AGAP1: variants seen among roughly 807,000 people sequenced by gnomAD.
AGAP1 encodes the protein arf-GAP with GTPase, ANK repeat and PH domain-containing protein 1.
Under a neutral mutation model 105.3 loss-of-function variants are expected in AGAP1, and 29 were observed. That is an observed-to-expected ratio of 0.28 (90% CI 0.21 to 0.38). AGAP1 has a LOEUF of 0.38. AGAP1 is among the 10% of genes least tolerant of loss of function. AGAP1 has a pLI of 1.00. For missense variants in AGAP1, 998 were observed against 1,165.1 expected, an observed-to-expected ratio of 0.86 and a Z score of 2.09; for synonymous variants, 509 against 485.9, an observed-to-expected ratio of 1.05 and a Z score of -0.63.
rs1276571616 is a variant in AGAP1, at chr2:235,976,019, A to C, written c.1645+7396A>C. On this transcript the variant is annotated intron_variant, in intron 13 of 17. Transcript: ENST00000304032. The surrounding 1 kb of genome is among the most constrained non-coding windows in gnomAD (Gnocchi z 4.5). ...CCAAGAATGAGAACATCTTCCTGGG[A>C]GATACACTGGAAATGCAGTAGCGAA... 1.3e-5 allele frequency among the ~76,000 whole-genome samples: 2 copies of C among 152,078 alleles called. No homozygotes were observed.
At chr2:235,514,011 G>A (rs1273389859) in intron 1 of AGAP1, among the ~76,000 whole-genome samples, 1 of 152,164 alleles carries the variant, frequency 6.6e-6, no homozygotes, top group Non-Finnish European at 1.5e-5. Context: ...CTCCTGTTGA[G>A]ATGCTTTGTG....
intron 9 of AGAP1, among the ~76,000 whole-genome samples, chr2:235,828,842 C>T (rs568649631): frequency 1.3e-5 from 2 of 152,356 alleles, no homozygotes; most frequent in Admixed American, 1.3e-4. Context: ...GCATGACTCA[C>T]AGCCCTTACC....
chr2:235,841,453 G>GC (rs928907449), intron 9 of AGAP1, among the ~76,000 whole-genome samples: 1 of 151,984 alleles, frequency 6.6e-6, no homozygotes, highest in Non-Finnish European at 1.5e-5. Context: ...ACATAGTGAG[G>GC]CCCCATCTGT....
chr2:235,969,042 C>G (rs2054528705), intron 13 of AGAP1, among the ~76,000 whole-genome samples: 1 of 152,188 alleles, frequency 6.6e-6, no homozygotes, highest in Non-Finnish European at 1.5e-5. Context: ...TCTTAACTAA[C>G]CAGACACCTG....
chr2:235,641,074 G>GT (rs1488669122), intron 1 of AGAP1, among the ~76,000 whole-genome samples: 1 of 152,152 alleles, frequency 6.6e-6, no homozygotes, highest in Non-Finnish European at 1.5e-5. Context: ...TCCTCTGGGA[G>GT]TTTAACTCAG....
chr2:235,894,386 C>T (rs1005832117), intron 10 of AGAP1, among the ~76,000 whole-genome samples: 2 of 152,134 alleles, frequency 1.3e-5, no homozygotes, highest in African/African-American at 4.8e-5. Context: ...TCCAGCTTTC[C>T]GTGTGGATTG....
rs565385758 is a variant in AGAP1, at chr2:235,615,748, G to T, written c.164-93431G>T. 6.6e-6 allele frequency among the ~76,000 whole-genome samples: 1 copy of T among 152,080 alleles called. No individual in the cohort carries two copies. The highest frequency in any genetic ancestry group is 2.4e-5 in the African/African-American group (1 of 41,424). On this transcript the variant is annotated intron_variant, in intron 1 of 17. Coordinates refer to ENST00000304032, the MANE Select transcript of AGAP1 (RefSeq NM_001037131.3). The surrounding 1 kb of genome is among the most constrained non-coding windows in gnomAD (Gnocchi z 5.0). ...AGACAGAATCCTTTCCTCAAAAAATGAATTTTTGAGTGTTCCTATATTCTT... is the reference window on the plus strand; with the variant it reads ...AGACAGAATCCTTTCCTCAAAAAATTAATTTTTGAGTGTTCCTATATTCTT...
intron 6 of AGAP1, among the ~76,000 whole-genome samples, chr2:235,759,567 C>T (rs532868866): frequency 2.0e-5 from 3 of 152,296 alleles, no homozygotes; most frequent in South Asian, 2.1e-4. Flanking sequence ...TATCTCCCAG[C>T]GAATGGGAGA....
At chr2:235,776,927 C>G (rs116431608) in intron 6 of AGAP1, 1 of 471,056 alleles carries the variant, frequency 2.1e-6, no homozygotes, top group East Asian at 7.0e-5. Flanking sequence ...GAATCAGCCT[C>G]GGAGCAGGAA....
Position 236,090,194 on chromosome 2 carries a change from G to A in AGAP1, c.2115-29998G>A, listed in dbSNP as rs998591891. 2.0e-5 allele frequency among the ~76,000 whole-genome samples: 3 copies of A among 152,174 alleles called. No homozygotes were observed. Among genetic ancestry groups the A allele is most frequent in the African/African-American group, 7.2e-5 (3 of 41,448 alleles). The stretch of plus-strand genomic sequence containing the variant: ...CTCCAGCTGCACAGGCTGGGGATGG[G>A]CTGGGTAGAAATGGCAGTTTTGTGG... On this transcript the variant is annotated intron_variant, in intron 16 of 17. Coordinates refer to ENST00000304032, the MANE Select transcript of AGAP1 (RefSeq NM_001037131.3). The surrounding 1 kb of genome is among the most constrained non-coding windows in gnomAD (Gnocchi z 4.3).
At position 236,012,538 on chromosome 2, in the gene AGAP1, T is replaced by G. The variant is rs1374435014; in HGVS notation, c.1646-24023T>G. On this transcript the variant is annotated intron_variant, in intron 13 of 17. Coordinates refer to ENST00000304032, the MANE Select transcript of AGAP1 (RefSeq NM_001037131.3). The surrounding 1 kb of genome is among the most constrained non-coding windows in gnomAD (Gnocchi z 4.9). ...CAAACATTTGAGACCCGGGACAGAT[T>G]TGGTTTCCTTCGTTCCTCATGCATG... Among the ~76,000 whole-genome samples the G allele has an allele frequency of 1.3e-5, 2 of 152,108 alleles. No individual in the cohort carries two copies. Among genetic ancestry groups the G allele is most frequent in the Non-Finnish European group, 2.9e-5 (2 of 68,022 alleles).
intron 9 of AGAP1, among the ~76,000 whole-genome samples, chr2:235,827,818 T>G (rs1227487231): frequency 1.3e-5 from 2 of 152,256 alleles, no homozygotes; most frequent in East Asian, 3.9e-4. Context: ...AGGGGTGTTT[T>G]CAGGGGTGGC....
chr2:236,029,282 CT>C (rs566152439), intron 13 of AGAP1, among the ~76,000 whole-genome samples: 46 of 143,866 alleles, frequency 3.2e-4, no homozygotes, highest in South Asian at 4.5e-4. Flanking sequence ...ATCCTTTTTT[CT>C]TTTTTTTTTT....
At chr2:235,579,366 T>C (rs2149184391) in intron 1 of AGAP1, among the ~76,000 whole-genome samples, 1 of 152,290 alleles carries the variant, frequency 6.6e-6, no homozygotes, top group Non-Finnish European at 1.5e-5. Flanking sequence ...CAAACCTTAT[T>C]TGGGCATGAT....
Position 235,665,125 on chromosome 2 carries a change from G to A in AGAP1, c.164-44054G>A, listed in dbSNP as rs561849065. ...GTGGTCCCAGCTATTCAGGAGGCAG[G>A]AGGATCACTTGAGCCCAGGAGTTCA... On this transcript the variant is annotated intron_variant, in intron 1 of 17. Coordinates refer to ENST00000304032, the MANE Select transcript of AGAP1 (RefSeq NM_001037131.3). This position sits in a 1 kb window ranked among gnomAD's most constrained non-coding sequence, Gnocchi z 5.3. 2.4e-4 allele frequency among the ~76,000 whole-genome samples: 36 copies of A among 151,596 alleles called. No homozygotes were observed. The highest frequency in any genetic ancestry group is 8.8e-4 in the African/African-American group (36 of 40,904).
At chr2:235,647,080 G>A (rs1269736057) in intron 1 of AGAP1, among the ~76,000 whole-genome samples, 2 of 146,162 alleles carry the variant, frequency 1.4e-5, no homozygotes, top group African/African-American at 5.1e-5. Context: ...AGCTTGCAGT[G>A]AACCGAGATT....
intron 1 of AGAP1, among the ~76,000 whole-genome samples, chr2:235,677,597 A>T (rs1422855881): frequency 6.6e-6 from 1 of 151,894 alleles, no homozygotes; most frequent in African/African-American, 2.4e-5. Context: ...ATGCTCCTTT[A>T]TTCTCTGTAC....
Position 236,009,193 on chromosome 2 carries a change from T to A in AGAP1, c.1646-27368T>A, listed in dbSNP as rs1017629688. Among the ~76,000 whole-genome samples the A allele has an allele frequency of 8.5e-5, 13 of 152,230 alleles. No homozygotes were observed. The highest frequency in any genetic ancestry group is 1.3e-4 in the Admixed American group (2 of 15,286). ...TTATGAAAAAAAGAAATCCACTGCC[T>A]TTTTATAAGAGAACAGAACATTTAC... is the stretch of plus-strand genomic sequence containing the variant. On this transcript the variant is annotated intron_variant, in intron 13 of 17. Coordinates refer to ENST00000304032, the MANE Select transcript of AGAP1 (RefSeq NM_001037131.3). The surrounding 1 kb of genome is among the most constrained non-coding windows in gnomAD (Gnocchi z 4.2).
chr2:235,867,382 G>A lies in AGAP1; in HGVS notation c.1051-15963G>A, dbSNP rs1357620066. Reference sequence around the variant, plus strand: ...ACTTTATTTACAGAAAGAGGCAGAGGATCAGATTTGGCCGACATGTGGGAG... The same window carrying A: ...ACTTTATTTACAGAAAGAGGCAGAGAATCAGATTTGGCCGACATGTGGGAG... On this transcript the variant is annotated intron_variant, in intron 9 of 17. Transcript: ENST00000304032. The surrounding 1 kb of genome is among the most constrained non-coding windows in gnomAD (Gnocchi z 5.4). Among the ~76,000 whole-genome samples the A allele has an allele frequency of 6.6e-6, 1 of 152,162 alleles. No homozygotes were observed. The highest frequency in any genetic ancestry group is 2.4e-5 in the African/African-American group (1 of 41,438).
Sources: gnomAD v4.1 joint callset for allele counts (sites outside exome capture counted in the v4.1 genomes callset) on GRCh38, gnomAD v4.1.1 for gene constraint, Gnocchi (gnomAD v3.1) non-coding constraint, MANE v1.5 for transcripts, NCBI Gene and HGNC (gene_info 2026-07-23, HGNC 2026-07-21) for gene names.